Variants in PUM1 observed in about 807,000 individuals in gnomAD.
PUM1 encodes pumilio homolog 1.
A neutral mutation model predicts 131.8 loss-of-function variants in PUM1; 13 were observed. That is an observed-to-expected ratio of 0.10 (90% CI 0.06 to 0.16). The LOEUF (loss-of-function observed/expected upper bound fraction) is 0.16. Among genes scored for constraint, PUM1 ranks in the 10% least tolerant of loss-of-function variants. PUM1 has a pLI of 1.00. For missense variants in PUM1, 961 were observed against 1,512.4 expected, an observed-to-expected ratio of 0.64 and a Z score of 6.05; for synonymous variants, 509 against 556.5, an observed-to-expected ratio of 0.91 and a Z score of 1.20.
intron 3 of PUM1, among the ~76,000 whole-genome samples, chr1:31,013,435 T>C (rs1203336139): frequency 1.3e-5 from 2 of 152,172 alleles, no homozygotes; most frequent in African/African-American, 4.8e-5. Flanking sequence ...AGAGCAGAAA[T>C]TGAGCATCTT....
rs35510099 is a variant in PUM1 at position 31,025,545 on chromosome 1, CTTT to C, written c.432+3248_432+3250del. On this transcript the variant is annotated intron_variant, in intron 3 of 21. Coordinates refer to ENST00000426105, the MANE Select transcript of PUM1 (RefSeq NM_001020658.2). The stretch of plus-strand genomic sequence containing the variant: ...GGGTAAATACTGGTTTGTTTTTTGT[CTTT>C]TTTTTTTTTTTTTTTTTTTTTGAGA... 6.4e-4 allele frequency among the ~76,000 whole-genome samples: 57 copies of C among 88,806 alleles called. No individual in the cohort carries two copies. The South Asian group carries it at 8.0e-3, about 12-fold the overall frequency. 58.3% of individuals were successfully genotyped at this position (88,806 alleles called of 152,430 possible).
intron 2 of PUM1, among the ~76,000 whole-genome samples, chr1:31,054,743 T>A (rs1644198918): frequency 6.6e-6 from 1 of 152,184 alleles, no homozygotes; most frequent in African/African-American, 2.4e-5. Flanking sequence ...ACTCCTGCAA[T>A]TATAGGAGAA....
chr1:30,962,573 G>T (rs1051070360), intron 14 of PUM1, among the ~76,000 whole-genome samples: 1 of 152,056 alleles, frequency 6.6e-6, no homozygotes, highest in African/African-American at 2.4e-5. Flanking sequence ...ACCATGCCTG[G>T]CTAATTTTTG....
intron 2 of PUM1, among the ~76,000 whole-genome samples, chr1:31,035,749 C>G (rs1643589869): frequency 6.6e-6 from 1 of 150,690 alleles, no homozygotes; most frequent in Non-Finnish European, 1.5e-5. Flanking sequence ...GAAACTCCAT[C>G]TCAAATAAAA....
chr1:30,982,629 T>A (rs1460669392), intron 7 of PUM1, among the ~76,000 whole-genome samples: 1 of 152,232 alleles, frequency 6.6e-6, no homozygotes, highest in East Asian at 1.9e-4. Context: ...ACAGATGTCC[T>A]CATAAAGAGA....
Position 30,995,041 on chromosome 1 carries a change from A to G in PUM1, c.887+13T>C, listed in dbSNP as rs1342156218. The G allele has an allele frequency of 1.2e-6, 2 of 1,608,696 alleles. No individual in the cohort carries two copies. The highest frequency in any genetic ancestry group is 2.2e-5 in the East Asian group (1 of 44,822). ...GCCCATATTCAAAAATCAGAAGTGT[A>G]AAACATACAAACCTAAAATCTTTGA... On this transcript the variant is annotated intron_variant, in intron 6 of 21. Coordinates refer to ENST00000426105, the MANE Select transcript of PUM1 (RefSeq NM_001020658.2).
chr1:31,058,424 G>T (rs1322050209), intron 2 of PUM1, among the ~76,000 whole-genome samples: 1 of 152,150 alleles, frequency 6.6e-6, no homozygotes, highest in Non-Finnish European at 1.5e-5. Context: ...ACTTTGGGAG[G>T]CCGAGATGGG....
At position 30,988,275 on chromosome 1, in the gene PUM1, G is replaced by C. The variant is rs533816768; in HGVS notation, c.1158+4115C>G. Among the ~76,000 whole-genome samples, 4 of 152,272 alleles carry C rather than the reference G, an allele frequency of 2.6e-5. No homozygotes were observed. The South Asian group carries it at 8.3e-4, about 32-fold the overall frequency. On this transcript the variant is annotated intron_variant, in intron 7 of 21. Transcript: ENST00000426105. ...CAAAATCCCATGTCACAGCTAACAA[G>C]AACTAAGTTTGCAATGAATTAAATG...
Position 30,945,476 on chromosome 1 carries a change from A to G in PUM1, c.2864T>C (p.Met955Thr). 4.3e-6 allele frequency: 7 copies of G among 1,614,158 alleles called. No homozygotes were observed. The highest frequency in any genetic ancestry group is 5.9e-6 in the Non-Finnish European group (7 of 1,180,030). Residue 955 changes from methionine (M) to threonine (T), a missense_variant, in exon 18 of 22, where the codon ATG becomes ACG. This residue lies in a region of PUM1 where 178 missense variants were observed against 327.5 expected (regional missense o/e 0.54). Coordinates refer to ENST00000426105, the MANE Select transcript of PUM1 (RefSeq NM_001020658.2). ...IPSDQQVINEMVRELDGHVLK... is the reference protein window; with the variant it reads ...IPSDQQVINETVRELDGHVLK... ...GACATGGCCATCTAGTTCCCGAACC[A>G]TCTCATTCTAATGGAGACAAAGAAA...
intron 3 of PUM1, among the ~76,000 whole-genome samples, chr1:31,009,495 G>A (rs1327467228): frequency 2.6e-5 from 4 of 152,036 alleles, no homozygotes; most frequent in African/African-American, 9.7e-5. Flanking sequence ...GCCCAGCATG[G>A]TGGCTCACGC....
At chr1:31,040,339 T>C (rs1324421213) in intron 2 of PUM1, among the ~76,000 whole-genome samples, 1 of 152,108 alleles carries the variant, frequency 6.6e-6, no homozygotes, top group Non-Finnish European at 1.5e-5. Context: ...AATAGTGGCA[T>C]CAAAGGCAGG....
At chr1:30,992,269 G>A (rs1641821012) in intron 7 of PUM1, 121 bp downstream of exon 7, 2 of 1,317,526 alleles carry the variant, frequency 1.5e-6, no homozygotes, top group Non-Finnish European at 2.1e-6. Flanking sequence ...AGGTTCACAA[G>A]GGCTAGCTAT....
intron 9 of PUM1, among the ~76,000 whole-genome samples, chr1:30,975,097 G>A (rs1285790292): frequency 6.6e-6 from 1 of 152,182 alleles, no homozygotes; most frequent in Non-Finnish European, 1.5e-5. Flanking sequence ...ATAACAGATG[G>A]AGGATGTAGC....
At chr1:31,044,584 T>G (rs1435116770) in intron 2 of PUM1, among the ~76,000 whole-genome samples, 1 of 152,114 alleles carries the variant, frequency 6.6e-6, no homozygotes, top group Non-Finnish European at 1.5e-5. Context: ...TGACGGCTGC[T>G]GGGTAAAGGA....
At chr1:30,972,249 T>C (rs1300683923) in intron 10 of PUM1, among the ~76,000 whole-genome samples, 2 of 74,556 alleles carry the variant, frequency 2.7e-5, no homozygotes, top group Non-Finnish European at 5.5e-5. Context: ...AGCAAGATTA[T>C]GTCAGAAAGA....
rs1644318526 is a variant in PUM1, at chr1:31,059,288, A to C, written c.279T>G (p.Leu93=). The change falls in exon 2 of 22, where the codon CTT becomes CTG. Residue 93 remains leucine (L), a synonymous_variant. Coordinates refer to ENST00000426105, the MANE Select transcript of PUM1 (RefSeq NM_001020658.2). ...YFFQRQHGEQ[L]GGGGSGGGGY... Reference sequence around the variant, plus strand: ...CGCCTCCTCCACTTCCTCCTCCCCCAAGCTGCTCACCATGCTGCCTCTGAA... The same window carrying C: ...CGCCTCCTCCACTTCCTCCTCCCCCCAGCTGCTCACCATGCTGCCTCTGAA... 1 of 1,613,872 alleles carries C rather than the reference A, an allele frequency of 6.2e-7. No homozygotes were observed. The highest frequency in any genetic ancestry group is 1.3e-5 in the African/African-American group (1 of 74,858).
intron 2 of PUM1, among the ~76,000 whole-genome samples, chr1:31,051,309 T>G (rs1312068034): frequency 6.6e-6 from 1 of 151,686 alleles, no homozygotes; most frequent in Non-Finnish European, 1.5e-5. Context: ...TGAATTTTTT[T>G]TTTTTTTTTT....
intron 3 of PUM1, among the ~76,000 whole-genome samples, chr1:31,014,573 C>T (rs572503139): frequency 2.4e-4 from 36 of 151,204 alleles, no homozygotes; most frequent in African/African-American, 7.0e-4. Flanking sequence ...GGATTGCTTG[C>T]GGTCAGGAGT....
intron 3 of PUM1, among the ~76,000 whole-genome samples, chr1:31,026,264 A>C (rs993241411): frequency 2.0e-4 from 31 of 152,066 alleles, no homozygotes; most frequent in African/African-American, 7.2e-4. Context: ...TCTTAAAAAA[A>C]AAAAAAAGAA....
Sources: gnomAD v4.1 joint callset for allele counts (sites outside exome capture counted in the v4.1 genomes callset) on GRCh38, gnomAD v4.1.1 for gene constraint, gnomAD v4.1.1 regional missense constraint, MANE v1.5 for transcripts, NCBI Gene and HGNC (gene_info 2026-07-23, HGNC 2026-07-21) for gene names.